The following MAGI2 variants were observed in gnomAD, a reference collection of about 807,000 sequenced individuals.
The protein encoded by MAGI2 is membrane-associated guanylate kinase, WW and PDZ domain-containing protein 2.
A neutral mutation model predicts 133.3 loss-of-function variants in MAGI2; 35 were observed. The ratio of observed to expected loss-of-function variants is 0.26; its 90% CI spans 0.20 to 0.35. The LOEUF (loss-of-function observed/expected upper bound fraction) is 0.35. MAGI2 is among the 10% of genes least tolerant of loss of function. The pLI is 1.00. For missense variants in MAGI2, 1,636 were observed against 1,863.4 expected (o/e 0.88, Z 2.25); for synonymous variants, 729 against 710.6 (o/e 1.03, Z -0.41).
chr7:79,397,837 A>G lies in MAGI2; in HGVS notation c.301+55183T>C, dbSNP rs569026923. Among the ~76,000 whole-genome samples, 6 of 152,238 alleles carry G rather than the reference A, an allele frequency of 3.9e-5. No homozygotes were observed. The South Asian group carries it at 1.2e-3, about 32-fold the overall frequency. ...AAAGTACTCACTGTATATTAAATGA[A>G]TTAGCTTTTAAGATATCATATATAT... is the stretch of plus-strand genomic sequence containing the variant. On this transcript the variant is annotated intron_variant, in intron 1 of 21. Coordinates refer to ENST00000354212, the MANE Select transcript of MAGI2 (RefSeq NM_012301.4).
intron 2 of MAGI2, among the ~76,000 whole-genome samples, chr7:78,931,798 T>C (rs552865091): frequency 6.6e-6 from 1 of 152,200 alleles, no homozygotes; most frequent in African/African-American, 2.4e-5. Flanking sequence ...ATCTTTCCTT[T>C]CACTCTCAAT....
At chr7:79,074,510 A>AT (rs1428746162) in intron 1 of MAGI2, among the ~76,000 whole-genome samples, 4 of 152,188 alleles carry the variant, frequency 2.6e-5, no homozygotes, top group African/African-American at 9.6e-5. Flanking sequence ...CTTTCTATTC[A>AT]TTTGTAAGAT....
chr7:78,604,086 C>T (rs916531108), intron 3 of MAGI2, among the ~76,000 whole-genome samples: 8 of 152,092 alleles, frequency 5.3e-5, no homozygotes, highest in Non-Finnish European at 1.0e-4. Flanking sequence ...ATGAGATTCC[C>T]TGGCAGCACT....
intron 21 of MAGI2, among the ~76,000 whole-genome samples, chr7:78,059,771 A>ATTTT (rs1240632282): frequency 1.2e-5 from 1 of 82,672 alleles, no homozygotes; most frequent in African/African-American, 5.1e-5. Context: ...ATATATATAT[A>ATTTT]TATATATTTT....
At chr7:79,139,326 C>A (rs1231634029) in intron 1 of MAGI2, among the ~76,000 whole-genome samples, 2 of 152,202 alleles carry the variant, frequency 1.3e-5, no homozygotes, top group South Asian at 4.1e-4. Flanking sequence ...TCATTAAGTA[C>A]CACCTACCAT....
chr7:78,368,720 G>A (rs972051964), intron 7 of MAGI2, among the ~76,000 whole-genome samples: 4 of 151,860 alleles, frequency 2.6e-5, no homozygotes, highest in African/African-American at 7.3e-5. Flanking sequence ...GATTTGGAAT[G>A]AGGTCCCAAA....
intron 1 of MAGI2, chr7:79,011,205 G>A (rs1314360069): frequency 6.6e-6 from 1 of 152,040 alleles, no homozygotes; most frequent in African/African-American, 2.4e-5. Flanking sequence ...TTCAAAACTG[G>A]GCTGCATTTC....
At chr7:78,696,402 T>G (rs559568549) in intron 2 of MAGI2, among the ~76,000 whole-genome samples, 1 of 152,320 alleles carries the variant, frequency 6.6e-6, no homozygotes, top group South Asian at 2.1e-4. Flanking sequence ...GTGGCAAAAT[T>G]TAATATCCTT....
At chr7:79,426,295 C>G (rs1014330311) in intron 1 of MAGI2, among the ~76,000 whole-genome samples, 1 of 151,698 alleles carries the variant, frequency 6.6e-6, no homozygotes, top group Non-Finnish European at 1.5e-5. Context: ...AAATCACATT[C>G]TCCTCCCTAT....
chr7:78,063,657 T>A (rs1353034033), intron 21 of MAGI2, among the ~76,000 whole-genome samples: 1 of 152,164 alleles, frequency 6.6e-6, no homozygotes, highest in Non-Finnish European at 1.5e-5. Context: ...CCATTTCGTC[T>A]GCTTGGAAAC....
At chr7:78,725,437 C>T (rs10274281) in intron 2 of MAGI2, among the ~76,000 whole-genome samples, 52,467 of 152,150 alleles carry the variant, frequency 0.34, 9,424 homozygotes, top group Non-Finnish European at 0.4. Context: ...GCACTGAAAA[C>T]ACGCACTATG....
chr7:79,422,936 T>C (rs755494190), intron 1 of MAGI2, among the ~76,000 whole-genome samples: 4 of 152,040 alleles, frequency 2.6e-5, no homozygotes, highest in Non-Finnish European at 5.9e-5. Flanking sequence ...TTATACATCA[T>C]TGAAGCTTTC....
intron 1 of MAGI2, among the ~76,000 whole-genome samples, chr7:79,176,546 TG>T (rs1826114810): frequency 1.3e-5 from 2 of 152,018 alleles, no homozygotes; most frequent in Admixed American, 6.6e-5. Flanking sequence ...AGTGGCCTCT[TG>T]GATATATTTT....
intron 20 of MAGI2, among the ~76,000 whole-genome samples, chr7:78,106,751 G>T (rs888527058): frequency 2.0e-5 from 3 of 151,992 alleles, no homozygotes; most frequent in Non-Finnish European, 4.4e-5. Flanking sequence ...TATACATTCT[G>T]GTTATTAATC....
chr7:79,225,278 A>C (rs1021824765), intron 1 of MAGI2, among the ~76,000 whole-genome samples: 2 of 152,216 alleles, frequency 1.3e-5, no homozygotes, highest in Non-Finnish European at 2.9e-5. Flanking sequence ...TTATTTTTAC[A>C]TCCGAAAACA....
chr7:78,087,007 A>G (rs1455730047), intron 20 of MAGI2, among the ~76,000 whole-genome samples: 1 of 152,108 alleles, frequency 6.6e-6, no homozygotes, highest in Non-Finnish European at 1.5e-5. Flanking sequence ...TTTTTGCTAG[A>G]ATCTGAGTCC....
chr7:78,947,151 C>CAAAACAAAACAAAA (rs1801481983), intron 2 of MAGI2, among the ~76,000 whole-genome samples: 2 of 151,804 alleles, frequency 1.3e-5, no homozygotes, highest in South Asian at 2.1e-4. Context: ...TTAGTAAAAA[C>CAAAACAAAACAAAA]AAAACAAAAC....
At chr7:78,470,325 T>C (rs1023010894) in intron 6 of MAGI2, among the ~76,000 whole-genome samples, 2 of 152,142 alleles carry the variant, frequency 1.3e-5, no homozygotes, top group Non-Finnish European at 2.9e-5. Context: ...CAATGGAAAC[T>C]ATGTTTAACC....
Position 78,521,177 on chromosome 7 carries a change from ATATGCCAAAAATGTTTT to A in MAGI2, c.754+236_754+252del, listed in dbSNP as rs71937155. Among the ~76,000 whole-genome samples, 8,251 of 152,032 alleles carry A rather than the reference ATATGCCAAAAATGTTTT, an allele frequency of 0.054. 362 individuals are homozygous for A. Among genetic ancestry groups the A allele is most frequent in the African/African-American group, 0.11 (4,495 of 41,494 alleles). On this transcript the variant is annotated intron_variant, in intron 4 of 21. Coordinates refer to ENST00000354212, the MANE Select transcript of MAGI2 (RefSeq NM_012301.4). ...ATAAAAAATTAAAGTAGTTGAAAAAATATGCCAAAAATGTTTTTGGCATATTCTTTCAACTTCTTTAA... is the reference window on the plus strand; with the variant it reads ...ATAAAAAATTAAAGTAGTTGAAAAAATGGCATATTCTTTCAACTTCTTTAA...
Sources: allele counts gnomAD v4.1 joint callset (sites outside exome capture counted in the v4.1 genomes callset), GRCh38; gene constraint gnomAD v4.1.1; transcripts MANE v1.5; gene names NCBI Gene and HGNC (gene_info 2026-07-23, HGNC 2026-07-21).